Variants in CALCR observed in about 807,000 individuals in gnomAD.
CALCR encodes the protein calcitonin receptor.
A neutral mutation model predicts 59.5 loss-of-function variants in CALCR; 47 were observed. The observed-to-expected ratio is 0.79, with a 90% CI of 0.63 to 1.01. CALCR has a LOEUF of 1.01. Ranked by LOEUF, CALCR falls within the 50% of genes least tolerant of loss-of-function variation. The pLI, the probability that CALCR is intolerant of heterozygous loss-of-function variation, is 0.00. For missense variants in CALCR, 566 were observed against 597.1 expected, an observed-to-expected ratio of 0.95 and a Z score of 0.54; for synonymous variants, 213 against 211.3, an observed-to-expected ratio of 1.01 and a Z score of -0.07.
intron 2 of CALCR, among the ~76,000 whole-genome samples, chr7:93,526,585 T>A (rs996658061): frequency 6.6e-6 from 1 of 152,094 alleles, no homozygotes; most frequent in African/African-American, 2.4e-5. Context: ...TCATAAAGAA[T>A]GTTAATAAGA....
intron 2 of CALCR, among the ~76,000 whole-genome samples, chr7:93,491,472 C>G (rs1158207016): frequency 6.6e-6 from 1 of 152,040 alleles, no homozygotes; most frequent in Non-Finnish European, 1.5e-5. Context: ...AACCAGCAAT[C>G]TACAGAATGG....
intron 2 of CALCR, among the ~76,000 whole-genome samples, chr7:93,570,567 A>T (rs533048321): frequency 1.8e-4 from 28 of 152,194 alleles, no homozygotes; most frequent in Admixed American, 3.3e-4. Context: ...TTGAGTTTAG[A>T]TTATCTGTGT....
chr7:93,460,572 A>AATATATATAT (rs57481670), intron 8 of CALCR, among the ~76,000 whole-genome samples: 6 of 66,504 alleles, frequency 9.0e-5, no homozygotes, highest in African/African-American at 6.0e-4. Flanking sequence ...AAAAAAAAAA[A>AATATATATAT]ATATATATAT....
chr7:93,487,824 A>G (rs543927079), intron 2 of CALCR, among the ~76,000 whole-genome samples: 70 of 151,582 alleles, frequency 4.6e-4, no homozygotes, highest in African/African-American at 1.7e-3. Context: ...TGTATTACCC[A>G]TAGAATTTAC....
At chr7:93,555,474 A>G (rs900956339) in intron 2 of CALCR, among the ~76,000 whole-genome samples, 2 of 152,168 alleles carry the variant, frequency 1.3e-5, no homozygotes, top group African/African-American at 2.4e-5. Flanking sequence ...TAGCAGTCCA[A>G]ATAAATTTGA....
At chr7:93,540,513 C>T (rs1317826604) in intron 2 of CALCR, among the ~76,000 whole-genome samples, 1 of 151,952 alleles carries the variant, frequency 6.6e-6, no homozygotes, top group Non-Finnish European at 1.5e-5. Flanking sequence ...TTTGCATTTA[C>T]TTACAGCAAA....
chr7:93,527,164 T>A (rs920744266), intron 2 of CALCR, among the ~76,000 whole-genome samples: 2 of 151,890 alleles, frequency 1.3e-5, no homozygotes, highest in African/African-American at 4.8e-5. Flanking sequence ...CTTTTTTCTC[T>A]CATTTTTCTA....
chr7:93,434,823 A>G (rs561271031), intron 12 of CALCR, among the ~76,000 whole-genome samples: 2 of 152,312 alleles, frequency 1.3e-5, no homozygotes, highest in South Asian at 4.1e-4. Context: ...TCTTGTGCCC[A>G]AGTTTTGATT....
At chr7:93,545,515 G>A (rs2116204496) in intron 2 of CALCR, among the ~76,000 whole-genome samples, 1 of 152,198 alleles carries the variant, frequency 6.6e-6, no homozygotes, top group South Asian at 2.1e-4. Flanking sequence ...GCTGGACTTC[G>A]ATGATATTTT....
At chr7:93,436,661 C>T (rs1175265197) in intron 11 of CALCR, among the ~76,000 whole-genome samples, 1 of 152,026 alleles carries the variant, frequency 6.6e-6, no homozygotes, top group Non-Finnish European at 1.5e-5. Context: ...TCCTTAAGTG[C>T]CTTTTGTATC....
chr7:93,494,519 C>A (rs10227180), intron 2 of CALCR, among the ~76,000 whole-genome samples: 2 of 151,310 alleles, frequency 1.3e-5, no homozygotes. Flanking sequence ...TTTGTTTTGC[C>A]TATTAATTGA....
chr7:93,546,056 C>T (rs1441807875), intron 2 of CALCR, among the ~76,000 whole-genome samples: 1 of 151,968 alleles, frequency 6.6e-6, no homozygotes, highest in Non-Finnish European at 1.5e-5. Flanking sequence ...AAAGAGAATG[C>T]CATATTCTAA....
chr7:93,441,269 C>T (rs113032019), intron 9 of CALCR, among the ~76,000 whole-genome samples: 6,597 of 151,974 alleles, frequency 0.043, 277 homozygotes, highest in Admixed American at 0.13. Flanking sequence ...AAGAAATATA[C>T]CACAGATTTT....
intron 2 of CALCR, among the ~76,000 whole-genome samples, chr7:93,572,130 G>A (rs890611485): frequency 2.6e-5 from 4 of 151,582 alleles, no homozygotes; most frequent in African/African-American, 4.8e-5. Flanking sequence ...AAGCTGTTAC[G>A]GTCTAAATAT....
chr7:93,553,005 T>C (rs982897393), intron 2 of CALCR, among the ~76,000 whole-genome samples: 10 of 152,198 alleles, frequency 6.6e-5, no homozygotes, highest in Non-Finnish European at 1.0e-4. Context: ...AACAACAACG[T>C]ATCCATCTGT....
intron 8 of CALCR, among the ~76,000 whole-genome samples, chr7:93,448,867 A>C (rs1800055048): frequency 6.6e-6 from 1 of 151,872 alleles, no homozygotes; most frequent in Non-Finnish European, 1.5e-5. Context: ...CTGACTGTTG[A>C]TTTACTTTTC....
chr7:93,508,192 A>G lies in CALCR; in HGVS notation c.-26-21185T>C, dbSNP rs9656016. Among the ~76,000 whole-genome samples, 1,472 of 152,318 alleles carry G rather than the reference A, an allele frequency of 9.7e-3. 17 individuals are homozygous for G. The highest frequency in any genetic ancestry group is 0.033 in the African/African-American group (1,375 of 41,574). On this transcript the variant is annotated intron_variant, in intron 2 of 13. Coordinates refer to ENST00000426151, the MANE Select transcript of CALCR (RefSeq NM_001742.4). ...AAATAAGTGTGCACTTATTTCACAAATGTTGACATAAGATAATTCTAATGT... is the reference window on the plus strand; with the variant it reads ...AAATAAGTGTGCACTTATTTCACAAGTGTTGACATAAGATAATTCTAATGT...
intron 3 of CALCR, among the ~76,000 whole-genome samples, chr7:93,483,536 T>C (rs1486383646): frequency 6.6e-6 from 1 of 150,416 alleles, no homozygotes; most frequent in African/African-American, 2.4e-5. Flanking sequence ...ATAATTACAA[T>C]CATGGAATTA....
At chr7:93,544,266 T>C (rs1789225076) in intron 2 of CALCR, among the ~76,000 whole-genome samples, 1 of 152,094 alleles carries the variant, frequency 6.6e-6, no homozygotes, top group Admixed American at 6.5e-5. Context: ...GTTAAAAAAT[T>C]AAAATCAAGA....
Sources: gnomAD v4.1 joint callset for allele counts (sites outside exome capture counted in the v4.1 genomes callset) on GRCh38, gnomAD v4.1.1 for gene constraint, MANE v1.5 for transcripts, NCBI Gene and HGNC (gene_info 2026-07-23, HGNC 2026-07-21) for gene names.